ROR1: variants seen among roughly 807,000 people sequenced by gnomAD.
ROR1 encodes ROR family WNT receptor 1.
ROR1 carries 19 observed loss-of-function variants against 78.8 expected under a neutral mutation model. The ratio of observed to expected loss-of-function variants is 0.24; its 90% CI spans 0.17 to 0.35. The LOEUF (loss-of-function observed/expected upper bound fraction) is 0.35, where lower values mean the gene tolerates loss of function less well. ROR1 is among the 10% of genes least tolerant of loss of function. The probability of loss-of-function intolerance (pLI) is 1.00; values close to 1 mark genes in which losing one functional copy is unlikely to be tolerated. For missense variants in ROR1, 917 were observed against 1,177.8 expected, an observed-to-expected ratio of 0.78 and a Z score of 3.24; for synonymous variants, 386 against 433.6, an observed-to-expected ratio of 0.89 and a Z score of 1.36.
chr1:63,984,529 TC>T (rs1646235537), intron 1 of ROR1, among the ~76,000 whole-genome samples: 1 of 152,186 alleles, frequency 6.6e-6, no homozygotes, highest in Admixed American at 6.5e-5. Context: ...TAGATACTAG[TC>T]CTGTAAATGT....
intron 1 of ROR1, among the ~76,000 whole-genome samples, chr1:63,945,862 G>A (rs770171653): frequency 6.6e-6 from 1 of 152,222 alleles, no homozygotes; most frequent in Non-Finnish European, 1.5e-5. Flanking sequence ...GCAGTTCATA[G>A]GTTGCTCTAG....
intron 1 of ROR1, among the ~76,000 whole-genome samples, chr1:63,842,927 G>A (rs964882474): frequency 3.3e-5 from 5 of 152,064 alleles, no homozygotes; most frequent in African/African-American, 1.2e-4. Context: ...CACAACTGGG[G>A]TGCCTGGGGG....
chr1:64,085,776 T>G (rs1447397340), intron 4 of ROR1, among the ~76,000 whole-genome samples: 1 of 144,722 alleles, frequency 6.9e-6, no homozygotes, highest in South Asian at 2.1e-4. Flanking sequence ...TTATTATTAG[T>G]TTTTTTTTAA....
intron 1 of ROR1, among the ~76,000 whole-genome samples, chr1:63,877,292 G>A (rs1341606794): frequency 6.6e-6 from 1 of 152,140 alleles, no homozygotes; most frequent in African/African-American, 2.4e-5. Context: ...AGGCTTCGGA[G>A]CCAGATCAAC....
intron 1 of ROR1, among the ~76,000 whole-genome samples, chr1:63,787,436 T>TC (rs1272570605): frequency 2.2e-4 from 29 of 131,764 alleles, no homozygotes; most frequent in Admixed American, 4.9e-4. Flanking sequence ...CTATTGCCTT[T>TC]CTTTCCTTCC....
intron 4 of ROR1, among the ~76,000 whole-genome samples, chr1:64,089,412 T>C (rs1175793541): frequency 3.9e-5 from 6 of 152,032 alleles, no homozygotes; most frequent in African/African-American, 1.4e-4. Flanking sequence ...GGATTTGCCA[T>C]GTTGCCCAAG....
At chr1:64,014,742 A>C (rs1379492349) in intron 2 of ROR1, among the ~76,000 whole-genome samples, 1 of 7,256 alleles carries the variant, frequency 1.4e-4, no homozygotes. Context: ...TACGCACACT[A>C]TATATATATA....
At chr1:64,073,201 A>T (rs1322869590) in intron 4 of ROR1, among the ~76,000 whole-genome samples, 1 of 152,116 alleles carries the variant, frequency 6.6e-6, no homozygotes, top group African/African-American at 2.4e-5. Flanking sequence ...AAGGTGTGTG[A>T]AGGTATCTGG....
intron 1 of ROR1, among the ~76,000 whole-genome samples, chr1:63,807,392 A>G (rs1258715074): frequency 6.6e-6 from 1 of 152,108 alleles, no homozygotes; most frequent in Non-Finnish European, 1.5e-5. Flanking sequence ...GAAGGGGACA[A>G]TGCCTTCCTC....
intron 4 of ROR1, among the ~76,000 whole-genome samples, chr1:64,060,349 C>T (rs1388571298): frequency 6.6e-6 from 1 of 152,194 alleles, no homozygotes; most frequent in African/African-American, 2.4e-5. Flanking sequence ...CAGAGTTCTT[C>T]TGTTGGATAA....
intron 1 of ROR1, among the ~76,000 whole-genome samples, chr1:63,820,565 T>G (rs1298230481): frequency 6.6e-6 from 1 of 152,216 alleles, no homozygotes; most frequent in Non-Finnish European, 1.5e-5. Context: ...CTTGCAGTCA[T>G]TTCTGCTATA....
chr1:63,962,422 T>C (rs980326735), intron 1 of ROR1, among the ~76,000 whole-genome samples: 1 of 152,060 alleles, frequency 6.6e-6, no homozygotes, highest in African/African-American at 2.4e-5. Flanking sequence ...AGACATAAGC[T>C]AGAAAAGAAA....
At chr1:63,801,496 T>C (rs942105205) in intron 1 of ROR1, among the ~76,000 whole-genome samples, 17 of 152,150 alleles carry the variant, frequency 1.1e-4, no homozygotes, top group Non-Finnish European at 2.1e-4. Context: ...GGTTTCACCA[T>C]GTTGGCCAGG....
chr1:64,123,421 C>T (rs1055634594), intron 4 of ROR1, among the ~76,000 whole-genome samples: 1 of 152,186 alleles, frequency 6.6e-6, no homozygotes, highest in African/African-American at 2.4e-5. Context: ...AACACTGTGC[C>T]TGGCATGACA....
intron 1 of ROR1, among the ~76,000 whole-genome samples, chr1:63,958,605 T>A (rs1212720570): frequency 6.6e-6 from 1 of 152,218 alleles, no homozygotes; most frequent in Non-Finnish European, 1.5e-5. Context: ...TTCCACAATT[T>A]AAAGTTTTAT....
intron 1 of ROR1, among the ~76,000 whole-genome samples, chr1:63,877,578 T>C (rs1383468448): frequency 1.3e-5 from 2 of 152,080 alleles, no homozygotes; most frequent in African/African-American, 4.8e-5. Context: ...TTCAGGAAGG[T>C]AGCACAAGGT....
intron 1 of ROR1, among the ~76,000 whole-genome samples, chr1:63,900,453 CAAAAA>C (rs371935993): frequency 9.0e-6 from 1 of 110,720 alleles, no homozygotes; most frequent in African/African-American, 3.5e-5. Flanking sequence ...GACTCCATCT[CAAAAA>C]AAAAAAAAAA....
chr1:63,964,132 G>C (rs1646055249), intron 1 of ROR1, among the ~76,000 whole-genome samples: 2 of 152,186 alleles, frequency 1.3e-5, no homozygotes. Flanking sequence ...TTTGACAAGT[G>C]AGGAAACTGA....
At chr1:63,940,564 C>G (rs79453974) in intron 1 of ROR1, among the ~76,000 whole-genome samples, 9,501 of 150,910 alleles carry the variant, frequency 0.063, 394 homozygotes, top group Non-Finnish European at 0.096. Flanking sequence ...AAGGAAAGGG[C>G]TCTTCCTTAA....
Sources: gnomAD v4.1 joint callset for allele counts (sites outside exome capture counted in the v4.1 genomes callset) on GRCh38, gnomAD v4.1.1 for gene constraint, MANE v1.5 for transcripts, NCBI Gene and HGNC (gene_info 2026-07-23, HGNC 2026-07-21) for gene names.